The following ZFHX3 variants were observed in gnomAD, a reference collection of about 807,000 sequenced individuals.
ZFHX3 encodes zinc finger homeobox 3, also known as zinc finger homeobox protein 3.
Under a neutral mutation model 279.1 loss-of-function variants are expected in ZFHX3, and 42 were observed. The ratio of observed to expected loss-of-function variants is 0.15; its 90% confidence interval spans 0.12 to 0.19. The LOEUF (loss-of-function observed/expected upper bound fraction) is 0.19, where lower values mean the gene tolerates loss of function less well. ZFHX3 is among the 10% of genes least tolerant of loss of function. The probability of loss-of-function intolerance (pLI) is 1.00; values close to 1 mark genes in which losing one functional copy is unlikely to be tolerated. For synonymous variants in ZFHX3, 2,293 were observed against 1,957.8 expected (o/e 1.17, Z -4.52); for missense variants, 4,981 against 4,754.0 (o/e 1.05, Z -1.40).
chr16:73,071,126 TAAAA>T (rs60071630), intron 8 of ZFHX3, among the ~76,000 whole-genome samples: 1 of 120,980 alleles, frequency 8.3e-6, no homozygotes, highest in African/African-American at 3.1e-5. Context: ...ATTTCTAAAT[TAAAA>T]AAAAAAAAAA....
At chr16:72,876,768 A>T (rs1250309958) in intron 4 of ZFHX3, among the ~76,000 whole-genome samples, 2 of 152,184 alleles carry the variant, frequency 1.3e-5, no homozygotes, top group Non-Finnish European at 2.9e-5. Context: ...AACAAACAGA[A>T]AAAGCCGCCT....
At chr16:73,279,543 T>G (rs78211588) in intron 4 of ZFHX3, among the ~76,000 whole-genome samples, 5,835 of 152,222 alleles carry the variant, frequency 0.038, 372 homozygotes, top group African/African-American at 0.13. Flanking sequence ...CTCTAAGGTG[T>G]CAAGTACTGA....
intron 1 of ZFHX3, among the ~76,000 whole-genome samples, chr16:73,708,079 T>TGGGGGG (rs57694938): frequency 6.9e-6 from 1 of 144,232 alleles, no homozygotes; most frequent in Non-Finnish European, 1.5e-5. Context: ...TTGGGTGTGG[T>TGGGGGG]GGGGGGGGGA....
intron 3 of ZFHX3, among the ~76,000 whole-genome samples, chr16:73,383,863 G>A (rs1181116071): frequency 2.0e-5 from 3 of 152,208 alleles, no homozygotes; most frequent in Non-Finnish European, 4.4e-5. Context: ...CTCGTGCTCT[G>A]CACAAACACA....
chr16:73,638,148 T>TA (rs1473366730), intron 2 of ZFHX3, among the ~76,000 whole-genome samples: 1 of 152,200 alleles, frequency 6.6e-6, no homozygotes, highest in Non-Finnish European at 1.5e-5. Flanking sequence ...ATCACATTCT[T>TA]AGAGAATTTT....
At chr16:73,506,988 G>T (rs759327688) in intron 2 of ZFHX3, among the ~76,000 whole-genome samples, 1 of 152,102 alleles carries the variant, frequency 6.6e-6, no homozygotes, top group African/African-American at 2.4e-5. Context: ...TTCTCATCTG[G>T]TCTCTTCCAC....
At chr16:72,811,867 C>A in intron 6 of ZFHX3, 38 bp downstream of exon 6, 1 of 1,507,640 alleles carries the variant, frequency 6.6e-7, no homozygotes, top group Non-Finnish European at 9.0e-7. Flanking sequence ...GTCTAAAACA[C>A]CTCACCTCCC....
chr16:73,506,681 C>T (rs1440161409), intron 2 of ZFHX3, among the ~76,000 whole-genome samples: 1 of 152,110 alleles, frequency 6.6e-6, no homozygotes, highest in East Asian at 1.9e-4. Flanking sequence ...CAGCCTTCTC[C>T]TTCTGCTTAG....
chr16:73,683,201 G>A (rs2053045139), intron 1 of ZFHX3, among the ~76,000 whole-genome samples: 1 of 152,136 alleles, frequency 6.6e-6, no homozygotes, highest in Non-Finnish European at 1.5e-5. Context: ...TATAATGGGT[G>A]AATGTACAAC....
At chr16:73,268,772 T>C (rs1189308447) in intron 4 of ZFHX3, among the ~76,000 whole-genome samples, 2 of 152,136 alleles carry the variant, frequency 1.3e-5, no homozygotes, top group African/African-American at 4.8e-5. Flanking sequence ...GGGATAACCA[T>C]GGAGACCCAG....
chr16:73,486,514 A>G (rs142981135), intron 2 of ZFHX3, among the ~76,000 whole-genome samples: 43 of 152,380 alleles, frequency 2.8e-4, no homozygotes, highest in African/African-American at 9.4e-4. Context: ...GTATCACTTG[A>G]TAACAGGTCT....
intron 7 of ZFHX3, among the ~76,000 whole-genome samples, chr16:73,129,083 G>A (rs917103860): frequency 2.0e-5 from 3 of 151,986 alleles, no homozygotes; most frequent in East Asian, 1.9e-4. Flanking sequence ...TGGAGAAACT[G>A]AGCCTTAAAG....
At chr16:73,743,889 T>A (rs200559808) in intron 1 of ZFHX3, among the ~76,000 whole-genome samples, 1 of 152,100 alleles carries the variant, frequency 6.6e-6, no homozygotes, top group East Asian at 1.9e-4. Flanking sequence ...AAAATCTATG[T>A]GAATGTGAAT....
rs2143220438 is a variant in ZFHX3 at position 72,784,746 on chromosome 16, T to TA, written c.*2417dup. 1 of 152,668 alleles carries TA rather than the reference T, an allele frequency of 6.6e-6. No individual in the cohort carries two copies. The highest frequency in any genetic ancestry group is 1.9e-4 in the East Asian group (1 of 5,182). The allele number at this position is 152,668 out of a possible 1,614,324, so 9.5% of individuals were successfully genotyped here. ...ACCTTATGCTACAACTGGATACTGGTATGAATAGTTAGATGGTATTCTTTC... is the reference window on the plus strand; with the variant it reads ...ACCTTATGCTACAACTGGATACTGGTAATGAATAGTTAGATGGTATTCTTTC... On this transcript the variant is annotated 3_prime_UTR_variant, in exon 10 of 10. Transcript: ENST00000268489.
At chr16:72,839,121 G>T (rs1039940014) in intron 4 of ZFHX3, among the ~76,000 whole-genome samples, 2 of 152,088 alleles carry the variant, frequency 1.3e-5, no homozygotes, top group Non-Finnish European at 2.9e-5. Context: ...CAAATTCCCC[G>T]AGCATGTCTG....
In ZFHX3 at chr16:73,824,377, A is replaced by ATTTC. The variant is rs1335504431; in HGVS notation, c.-1608+67270_-1608+67273dup. Among the ~76,000 whole-genome samples, 236 of 98,030 alleles carry ATTTC rather than the reference A, an allele frequency of 2.4e-3. 2 individuals are homozygous for ATTTC. The highest frequency in any genetic ancestry group is 9.1e-3 in the African/African-American group (213 of 23,330). The allele number at this position is 98,030 out of a possible 152,430, so 64.3% of individuals were successfully genotyped here. A position where few individuals can be genotyped will look rare whatever the true frequency, so the allele number is the denominator to read the frequency against. The stretch of plus-strand genomic sequence containing the variant: ...CAGAAATGTGTTTTCTTTCCAAATA[A>ATTTC]TTTCTTTTTTTTTTTTTTTAATGTT... On this transcript the variant is annotated intron_variant, in intron 1 of 17. Coordinates refer to the ZFHX3 transcript ENST00000641206.
In ZFHX3 at chr16:73,187,546, T is replaced by G. The variant is rs928851721; in HGVS notation, c.-1103-43715A>C. Among the ~76,000 whole-genome samples the G allele has an allele frequency of 1.8e-4, 28 of 152,280 alleles. 1 individual carries two copies. Among genetic ancestry groups the G allele is most frequent in the Admixed American group, 1.2e-3 (19 of 15,298 alleles). On this transcript the variant is annotated intron_variant, in intron 5 of 17. Coordinates refer to the ZFHX3 transcript ENST00000641206. ...AGTGTGGTGAGACTCCTGTGGCAGA[T>G]GGGGGCATTTCAGAAGTGAATGTGC...
At chr16:73,749,036 C>A (rs1286959497) in intron 1 of ZFHX3, among the ~76,000 whole-genome samples, 2 of 152,024 alleles carry the variant, frequency 1.3e-5, no homozygotes, top group Non-Finnish European at 2.9e-5. Flanking sequence ...GATCCGCCCA[C>A]CTCAACCTCC....
At chr16:72,956,882 T>G (rs1961275912) in intron 2 of ZFHX3, among the ~76,000 whole-genome samples, 1 of 151,818 alleles carries the variant, frequency 6.6e-6, no homozygotes, top group African/African-American at 2.4e-5. Flanking sequence ...TACAGAGAAC[T>G]TTGAGAAGTC....
Sources: gnomAD v4.1 joint callset for allele counts (sites outside exome capture counted in the v4.1 genomes callset) on GRCh38, gnomAD v4.1.1 for gene constraint, MANE v1.5 for transcripts, NCBI Gene and HGNC (gene_info 2026-07-23, HGNC 2026-07-21) for gene names.